KIF1A: variants seen among roughly 807,000 people sequenced by gnomAD.
The protein encoded by KIF1A is kinesin family member 1A.
Under a neutral mutation model 227.3 loss-of-function variants are expected in KIF1A, and 46 were observed. The observed-to-expected ratio is 0.20, with a 90% CI of 0.16 to 0.26. KIF1A has a LOEUF of 0.26. KIF1A is among the 10% of genes least tolerant of loss of function. The pLI, the probability that KIF1A is intolerant of heterozygous loss-of-function variation, is 1.00. For missense variants in KIF1A, 1,683 were observed against 2,485.9 expected (o/e 0.68, Z 6.87); for synonymous variants, 1,022 against 1,012.8 (o/e 1.01, Z -0.17).
At position 240,766,749 on chromosome 2, in the gene KIF1A, T is replaced by TCTCTCTCTCTCACACACA. The variant is rs1454271542; in HGVS notation, c.1684+165_1684+166insTGTGTGTGAGAGAGAGAG. Among the ~76,000 whole-genome samples, 70 of 109,014 alleles carry TCTCTCTCTCTCACACACA rather than the reference T, an allele frequency of 6.4e-4. No individual in the cohort carries two copies. Among genetic ancestry groups the TCTCTCTCTCTCACACACA allele is most frequent in the South Asian group, 9.6e-4 (3 of 3,122 alleles). 71.5% of individuals were successfully genotyped at this position (109,014 alleles called of 152,430 possible). A position where few individuals can be genotyped will look rare whatever the true frequency, so the allele number is the denominator to read the frequency against. On this transcript the variant is annotated intron_variant, in intron 19 of 48. Coordinates refer to ENST00000498729, the MANE Select transcript of KIF1A (RefSeq NM_001244008.2). This position sits in a 1 kb window ranked among gnomAD's most constrained non-coding sequence, Gnocchi z 5.0. ...CTCTCTCTCTCTCTCTCTCTCTCTC[T>TCTCTCTCTCTCACACACA]CACACACACACACACACACACACAC...
At chr2:240,763,974 G>T (rs983231255) in intron 20 of KIF1A, among the ~76,000 whole-genome samples, 1 of 151,586 alleles carries the variant, frequency 6.6e-6, no homozygotes. Flanking sequence ...CCCAGCACCC[G>T]GCTGGACCCC....
At chr2:240,785,204 C>A in intron 6 of KIF1A, 104 bp from the exon 7 acceptor site, 1 of 924,402 alleles carries the variant, frequency 1.1e-6, no homozygotes, top group Non-Finnish European at 1.7e-6. Context: ...GGGGGCAGTT[C>A]CCCCAGACCC....
In KIF1A at chr2:240,746,016, G is replaced by A. The variant is rs753565915; in HGVS notation, c.3202+23C>T. On this transcript the variant is annotated intron_variant, in intron 30 of 48. Coordinates refer to ENST00000498729, the MANE Select transcript of KIF1A (RefSeq NM_001244008.2). ...AGGTCTCAGCATCCCCTACGCCCTG[G>A]GCAGCTGGGGTGGGCGACCCACCTG... 4.4e-6 allele frequency: 7 copies of A among 1,606,606 alleles called. No individual in the cohort carries two copies. In the East Asian group the frequency reaches 1.3e-4, roughly 31 times the overall value.
intron 40 of KIF1A, chr2:240,724,955 G>T (rs1404853126): frequency 1.0e-5 from 2 of 199,166 alleles, no homozygotes; most frequent in Non-Finnish European, 2.0e-5. Context: ...GGGGGGGAAC[G>T]GTGTGGCCCC....
intron 28 of KIF1A, chr2:240,748,658 A>AC: frequency 3.3e-6 from 1 of 299,892 alleles, no homozygotes; most frequent in Non-Finnish European, 7.1e-6. Flanking sequence ...CCTGGTAAAC[A>AC]CCCCACCTTC....
At position 240,744,033 on chromosome 2, in the gene KIF1A, T is replaced by G; in HGVS notation, c.3493A>C (p.Ile1165Leu). The change falls in exon 33 of 49, where the codon ATT (isoleucine) becomes CTT (leucine). Residue 1165 changes from isoleucine (I) to leucine (L), a missense_variant. Coordinates refer to ENST00000498729, the MANE Select transcript of KIF1A (RefSeq NM_001244008.2). ...NIAVEVTKSFIEYIKSQPIVF... is the reference protein window; with the variant it reads ...NIAVEVTKSFLEYIKSQPIVF... Reference sequence around the variant, plus strand: ...ATGGGCTGGCTCTTGATGTACTCAATGAAGGACTTGGTCACCTCCACTGCG... The same window carrying G: ...ATGGGCTGGCTCTTGATGTACTCAAGGAAGGACTTGGTCACCTCCACTGCG... 6 of 1,613,630 alleles carry G rather than the reference T, an allele frequency of 3.7e-6. No homozygotes were observed. Among genetic ancestry groups the G allele is most frequent in the Non-Finnish European group, 5.1e-6 (6 of 1,179,660 alleles).
At chr2:240,809,161 A>T (rs960138625) in intron 1 of KIF1A, among the ~76,000 whole-genome samples, 1 of 152,284 alleles carries the variant, frequency 6.6e-6, no homozygotes. Flanking sequence ...ATTTTACCCA[A>T]ATTGATTCAA....
chr2:240,760,470 G>A (rs917445702), intron 25 of KIF1A, among the ~76,000 whole-genome samples, 195 bp downstream of exon 25: 5 of 152,242 alleles, frequency 3.3e-5, no homozygotes, highest in Admixed American at 6.5e-5. Flanking sequence ...TGCTGCATTG[G>A]TAGAAAGAGA....
In KIF1A at chr2:240,725,296, T is replaced by G; in HGVS notation, c.4231A>C (p.Ser1411Arg). ...CTCTCTGAGGCCCGAAGGCTCCCAC[T>G]GCCAAAGAGGTTGCGGATGGAGCGC... ...ASRSIRNLFG[S>R]GSLRASESNR... Residue 1411 changes from serine to arginine, a missense_variant, in exon 40 of 49, where the codon AGT becomes CGT. By Grantham distance (110) the Ser-to-Arg change is moderately radical. Around this residue, in one of 12 missense-constraint regions of KIF1A, gnomAD observed 759 missense variants for 1,020.2 expected, o/e 0.74. Coordinates refer to ENST00000498729, the MANE Select transcript of KIF1A (RefSeq NM_001244008.2). This position sits in a 1 kb window ranked among gnomAD's most constrained non-coding sequence, Gnocchi z 5.8. The G allele has an allele frequency of 1.2e-6, 2 of 1,607,984 alleles. No homozygotes were observed. The highest frequency in any genetic ancestry group is 1.7e-6 in the Non-Finnish European group (2 of 1,177,874).
At chr2:240,760,866 CTCG>C in intron 24 of KIF1A, 23 bp from the exon 25 acceptor site, 2 of 1,598,874 alleles carry the variant, frequency 1.3e-6, no homozygotes, top group Non-Finnish European at 1.7e-6. Flanking sequence ...AAGATGACCA[CTCG>C]TCAGCTCCTT....
intron 28 of KIF1A, 31 bp from the exon 29 acceptor site, chr2:240,747,352 C>T (rs372431024): frequency 3.7e-5 from 59 of 1,578,810 alleles, no homozygotes; most frequent in Non-Finnish European, 4.6e-5. Flanking sequence ...ATGGTTGGAG[C>T]CCAGCTTGTC....
Position 240,725,310 on chromosome 2 carries a change from C to T in KIF1A, c.4217G>A (p.Arg1406His), listed in dbSNP as rs755301795. 4.8e-5 allele frequency: 77 copies of T among 1,609,390 alleles called. No homozygotes were observed. Among genetic ancestry groups the T allele is most frequent in the Non-Finnish European group, 6.2e-5 (73 of 1,178,534 alleles). Residue 1406 changes from arginine (R) to histidine (H), a missense_variant, in exon 40 of 49, where the codon CGC becomes CAC. By Grantham distance (29) the Arg-to-His change is conservative. Coordinates refer to ENST00000498729, the MANE Select transcript of KIF1A (RefSeq NM_001244008.2). This position sits in a 1 kb window ranked among gnomAD's most constrained non-coding sequence, Gnocchi z 5.8. ...AAGGCTCCCACTGCCAAAGAGGTTG[C>T]GGATGGAGCGCGAGGCTGGCAGCTT... The part of the protein sequence containing the change: ...DAKLPASRSI[R>H]NLFGSGSLRA...
chr2:240,817,501 C>T (rs1191781501), intron 1 of KIF1A, among the ~76,000 whole-genome samples: 1 of 152,224 alleles, frequency 6.6e-6, no homozygotes, highest in Non-Finnish European at 1.5e-5. Flanking sequence ...ACTCTCCACC[C>T]GTGGTAGCGG....
At chr2:240,717,538 C>G in intron 48 of KIF1A, 132 bp from the exon 49 acceptor site, 2 of 772,504 alleles carry the variant, frequency 2.6e-6, no homozygotes, top group Non-Finnish European at 4.3e-6. Flanking sequence ...TCCCTCACCA[C>G]CTGGGGAAGG....
At chr2:240,764,662 A>G (rs571231103) in intron 20 of KIF1A, among the ~76,000 whole-genome samples, 2 of 152,112 alleles carry the variant, frequency 1.3e-5, no homozygotes, top group East Asian at 3.9e-4. Context: ...GGTCACTTTT[A>G]TGTCAGCCTG....
chr2:240,811,468 C>T (rs1487534844), intron 1 of KIF1A, among the ~76,000 whole-genome samples: 1 of 152,152 alleles, frequency 6.6e-6, no homozygotes, highest in Non-Finnish European at 1.5e-5. Context: ...GTGGCCAGAG[C>T]CTATGGGCGT....
At position 240,781,971 on chromosome 2, in the gene KIF1A, G is replaced by A. The variant is rs958365629; in HGVS notation, c.882+619C>T. ...ACACAGCCACCGCCGAGTTCCCTGT[G>A]CGTTTCCCAGTGAGCACCTCGCGGA... is the stretch of plus-strand genomic sequence containing the variant. On this transcript the variant is annotated intron_variant, in intron 10 of 48. Transcript: ENST00000498729. 64 of 985,406 alleles carry A rather than the reference G, an allele frequency of 6.5e-5. No individual in the cohort carries two copies. In the African/African-American group the frequency reaches 1.1e-3, roughly 17 times the overall value. The allele number at this position is 985,406 out of a possible 1,614,324, so 61.0% of individuals were successfully genotyped here. A position where few individuals can be genotyped will look rare whatever the true frequency, so the allele number is the denominator to read the frequency against.
chr2:240,784,819 G>C lies in KIF1A; in HGVS notation c.720+170C>G, dbSNP rs544012146. Among the ~76,000 whole-genome samples the C allele has an allele frequency of 5.5e-4, 84 of 151,974 alleles. 1 individual carries two copies. Among genetic ancestry groups the C allele is most frequent in the African/African-American group, 1.4e-3 (57 of 41,312 alleles). ...CATGGGAGAAGGGCCTCTGGGGCGG[G>C]GGGGGGGACGTCCACACCTGGTGCC... On this transcript the variant is annotated intron_variant, in intron 7 of 48. Transcript: ENST00000498729.
chr2:240,727,915 G>GCTT (rs2046214784), intron 38 of KIF1A, among the ~76,000 whole-genome samples: 2 of 152,312 alleles, frequency 1.3e-5, no homozygotes, highest in South Asian at 4.1e-4. Context: ...TCATACCCGA[G>GCTT]GTGGACAATT....
Sources: allele counts gnomAD v4.1 joint callset (sites outside exome capture counted in the v4.1 genomes callset), GRCh38; gene constraint gnomAD v4.1.1; regional missense constraint gnomAD v4.1.1; non-coding constraint Gnocchi (gnomAD v3.1); transcripts MANE v1.5; gene names NCBI Gene and HGNC (gene_info 2026-07-23, HGNC 2026-07-21).